ATRNL1: variants seen among roughly 807,000 people sequenced by gnomAD.
ATRNL1 encodes the protein attractin-like protein 1.
ATRNL1 carries 95 observed loss-of-function variants against 182.7 expected under a neutral mutation model. The observed-to-expected ratio is 0.52, with a 90% CI of 0.44 to 0.62. ATRNL1 has a LOEUF of 0.62. Ranked by LOEUF, ATRNL1 falls within the 20% of genes least tolerant of loss-of-function variation. ATRNL1 has a pLI of 0.00. For missense variants in ATRNL1, 1,471 were observed against 1,679.5 expected (o/e 0.88, Z 2.17); for synonymous variants, 576 against 568.3 (o/e 1.01, Z -0.19).
At chr10:115,505,784 C>T (rs532395946) in intron 24 of ATRNL1, among the ~76,000 whole-genome samples, 7 of 152,144 alleles carry the variant, frequency 4.6e-5, no homozygotes, top group East Asian at 1.9e-4. Flanking sequence ...CACACACACA[C>T]GTCTTGGATA....
At chr10:115,561,237 C>T (rs895239760) in intron 26 of ATRNL1, among the ~76,000 whole-genome samples, 5 of 152,122 alleles carry the variant, frequency 3.3e-5, no homozygotes, top group Non-Finnish European at 7.4e-5. Context: ...TTTTGCATAT[C>T]ATATATCTGA....
At chr10:115,685,145 T>G (rs953587890) in intron 26 of ATRNL1, among the ~76,000 whole-genome samples, 9 of 151,762 alleles carry the variant, frequency 5.9e-5, no homozygotes, top group African/African-American at 1.7e-4. Context: ...CAGTTAATTA[T>G]TGTGGTCTAA....
At chr10:115,615,289 GA>G (rs1446526831) in intron 26 of ATRNL1, among the ~76,000 whole-genome samples, 4 of 151,986 alleles carry the variant, frequency 2.6e-5, no homozygotes, top group African/African-American at 9.7e-5. Flanking sequence ...TTGTAGGGCT[GA>G]CCAGTAGTGA....
intron 26 of ATRNL1, among the ~76,000 whole-genome samples, chr10:115,612,827 C>A (rs1555019480): frequency 6.6e-6 from 1 of 151,708 alleles, no homozygotes; most frequent in Non-Finnish European, 1.5e-5. Flanking sequence ...ACACAAATGA[C>A]TCCATTTGTG....
At chr10:115,740,240 G>A (rs184995764) in intron 27 of ATRNL1, among the ~76,000 whole-genome samples, 165 of 151,862 alleles carry the variant, frequency 1.1e-3, no homozygotes, top group Admixed American at 4.3e-3. Context: ...TTCATCAAAG[G>A]TCATAGTTCT....
At chr10:115,460,527 G>C (rs1306790395) in intron 21 of ATRNL1, among the ~76,000 whole-genome samples, 1 of 151,992 alleles carries the variant, frequency 6.6e-6, no homozygotes, top group East Asian at 1.9e-4. Flanking sequence ...ACTTCCTGTG[G>C]CCTTCACTGC....
intron 25 of ATRNL1, among the ~76,000 whole-genome samples, chr10:115,542,467 C>T (rs1450393757): frequency 6.6e-6 from 1 of 152,046 alleles, no homozygotes; most frequent in Non-Finnish European, 1.5e-5. Context: ...CCATTTATTG[C>T]ATCGTCAATG....
At chr10:115,410,939 T>C (rs760977180) in intron 20 of ATRNL1, among the ~76,000 whole-genome samples, 7 of 152,048 alleles carry the variant, frequency 4.6e-5, no homozygotes, top group South Asian at 2.1e-4. Context: ...GGTTTTACCA[T>C]GTTGGCCAGG....
intron 24 of ATRNL1, among the ~76,000 whole-genome samples, chr10:115,496,047 A>G (rs1849535022): frequency 6.6e-6 from 1 of 152,078 alleles, no homozygotes; most frequent in African/African-American, 2.4e-5. Context: ...TTGTTCTTTA[A>G]TTGTAACCAC....
intron 21 of ATRNL1, among the ~76,000 whole-genome samples, chr10:115,454,263 C>A (rs962457810): frequency 6.6e-5 from 10 of 151,992 alleles, no homozygotes; most frequent in Non-Finnish European, 1.3e-4. Flanking sequence ...ATCTATATAT[C>A]TTTTTTCATG....
chr10:115,854,743 A>C (rs371281125), intron 28 of ATRNL1, among the ~76,000 whole-genome samples: 1 of 152,140 alleles, frequency 6.6e-6, no homozygotes. Context: ...GAAACCTTCA[A>C]ATTAGCCTGT....
chr10:115,731,051 C>A (rs1291006959), intron 27 of ATRNL1, among the ~76,000 whole-genome samples: 2 of 152,088 alleles, frequency 1.3e-5, no homozygotes, highest in Non-Finnish European at 2.9e-5. Flanking sequence ...TTGGATGGTG[C>A]CCACCCAGAA....
intron 18 of ATRNL1, among the ~76,000 whole-genome samples, chr10:115,316,847 C>A (rs1194533289): frequency 6.6e-6 from 1 of 152,074 alleles, no homozygotes; most frequent in African/African-American, 2.4e-5. Context: ...CAAAAATTTT[C>A]TCCTATTCTG....
intron 27 of ATRNL1, among the ~76,000 whole-genome samples, chr10:115,781,642 G>A (rs1395277952): frequency 6.6e-6 from 1 of 152,194 alleles, no homozygotes; most frequent in African/African-American, 2.4e-5. Flanking sequence ...CAGCATAGTT[G>A]TTACCCTTGG....
At chr10:115,138,430 C>A (rs370049764) in intron 5 of ATRNL1, among the ~76,000 whole-genome samples, 2 of 152,236 alleles carry the variant, frequency 1.3e-5, no homozygotes, top group African/African-American at 4.8e-5. Flanking sequence ...CAGACTTCTG[C>A]CTGGGCATCC....
intron 27 of ATRNL1, among the ~76,000 whole-genome samples, chr10:115,808,448 T>C (rs1949971897): frequency 6.6e-6 from 1 of 152,298 alleles, no homozygotes; most frequent in East Asian, 1.9e-4. Flanking sequence ...TTGGCTTGTT[T>C]CTAGTTTGGA....
chr10:115,877,008 A>C (rs1386011067), intron 28 of ATRNL1, among the ~76,000 whole-genome samples: 4 of 152,246 alleles, frequency 2.6e-5, no homozygotes, highest in Admixed American at 6.5e-5. Flanking sequence ...TTATGGTTCC[A>C]AGCCAAAAAC....
intron 26 of ATRNL1, among the ~76,000 whole-genome samples, chr10:115,602,281 G>T (rs1306429532): frequency 6.6e-6 from 1 of 152,052 alleles, no homozygotes; most frequent in African/African-American, 2.4e-5. Flanking sequence ...TTGAACCCTG[G>T]GGTCAGAGGT....
At chr10:115,597,568 C>CTTTT (rs71010036) in intron 26 of ATRNL1, 15 of 252,962 alleles carry the variant, frequency 5.9e-5, no homozygotes, top group African/African-American at 1.7e-4. Context: ...TTTATGGGAG[C>CTTTT]TTTTTTTTTT....
Sources: gnomAD v4.1 joint callset for allele counts (sites outside exome capture counted in the v4.1 genomes callset) on GRCh38, gnomAD v4.1.1 for gene constraint, MANE v1.5 for transcripts, NCBI Gene and HGNC (gene_info 2026-07-23, HGNC 2026-07-21) for gene names.